The following PRIM2 variants were observed in gnomAD, a reference collection of about 807,000 sequenced individuals.
PRIM2 encodes DNA primase subunit 2.
A neutral mutation model predicts 67.3 loss-of-function variants in PRIM2; 39 were observed. That is an observed-to-expected ratio of 0.58 (90% CI 0.45 to 0.76). The LOEUF (loss-of-function observed/expected upper bound fraction) is 0.76, where lower values mean the gene tolerates loss of function less well. PRIM2 is among the 30% of genes least tolerant of loss of function. The pLI is 0.00. For missense variants in PRIM2, 398 were observed against 598.7 expected, an observed-to-expected ratio of 0.66 and a Z score of 3.50; for synonymous variants, 143 against 198.7, an observed-to-expected ratio of 0.72 and a Z score of 2.36.
chr6:57,244,669 G>C, the PRIM2 span, among the ~76,000 whole-genome samples: 1 of 151,846 alleles, frequency 6.6e-6, no homozygotes, highest in East Asian at 1.9e-4. Flanking sequence ...GCTGAGGCAG[G>C]AGAATCGCTT....
chr6:57,425,518 G>A (rs1771594608), intron 7 of PRIM2, among the ~76,000 whole-genome samples: 1 of 151,964 alleles, frequency 6.6e-6, no homozygotes, highest in African/African-American at 2.4e-5. Flanking sequence ...CCCTGCCAAT[G>A]GAATTATTTT....
chr6:57,331,431 A>G (rs180855115), intron 5 of PRIM2, among the ~76,000 whole-genome samples: 1 of 152,186 alleles, frequency 6.6e-6, no homozygotes, highest in East Asian at 1.9e-4. Context: ...TCATAGAATG[A>G]GTTGGGAAAT....
chr6:57,407,222 G>T (rs1411470635), intron 7 of PRIM2, among the ~76,000 whole-genome samples: 2 of 151,984 alleles, frequency 1.3e-5, no homozygotes, highest in Non-Finnish European at 2.9e-5. Flanking sequence ...GGATTTTGGC[G>T]GGGCAACTAT....
At chr6:57,512,023 A>G (rs1257518673) in intron 8 of PRIM2, among the ~76,000 whole-genome samples, 4 of 152,228 alleles carry the variant, frequency 2.6e-5, no homozygotes, top group African/African-American at 9.6e-5. Flanking sequence ...TCGAACCCAC[A>G]GAATATCAGT....
chr6:57,468,545 A>G (rs1285380308), intron 7 of PRIM2, among the ~76,000 whole-genome samples: 6 of 152,110 alleles, frequency 3.9e-5, no homozygotes, highest in Non-Finnish European at 5.9e-5. Context: ...ATTTTATTGA[A>G]AATTTTTGCA....
At chr6:57,438,786 T>G (rs548517944) in intron 7 of PRIM2, among the ~76,000 whole-genome samples, 3,587 of 152,030 alleles carry the variant, frequency 0.024, 89 homozygotes, top group African/African-American at 0.065. Flanking sequence ...TCTTTTTTTT[T>G]GGGGGAAACG....
In PRIM2 at chr6:57,336,252, C is replaced by T. The variant is rs536442292; in HGVS notation, c.459+10207C>T. On this transcript the variant is annotated intron_variant, in intron 5 of 13. Transcript: ENST00000615550. ...GTCTGATTGGTGTACCTGAAAGTGA[C>T]GGGGAGAATGGAACCAAGTTGGAAA... is the stretch of plus-strand genomic sequence containing the variant. 9.2e-5 allele frequency among the ~76,000 whole-genome samples: 14 copies of T among 152,154 alleles called. No individual in the cohort carries two copies. In the South Asian group the frequency reaches 1.2e-3, roughly 14 times the overall value.
intron 10 of PRIM2, chr6:57,587,040 A>G (rs1342871193): frequency 2.0e-5 from 3 of 152,174 alleles, no homozygotes; most frequent in Admixed American, 6.5e-5. Flanking sequence ...TGTGAAGATA[A>G]TTTTACCTGC....
At chr6:57,261,978 T>C in the PRIM2 span, among the ~76,000 whole-genome samples, 3 of 152,200 alleles carry the variant, frequency 2.0e-5, no homozygotes. Flanking sequence ...TAAAGTCCCT[T>C]CATTTGAACA....
Position 57,387,348 on chromosome 6 carries a change from T to G in PRIM2, c.693+5180T>G, listed in dbSNP as rs568076012. On this transcript the variant is annotated intron_variant, in intron 7 of 13. Coordinates refer to ENST00000615550, the MANE Select transcript of PRIM2 (RefSeq NM_000947.5). ...TTGCTTTTGTTCACAGTTTACTGTT[T>G]ATACATACTGTTAATCCCACTATAA... 7.1e-3 allele frequency among the ~76,000 whole-genome samples: 1,086 copies of G among 152,258 alleles called. 15 individuals are homozygous for G. Among genetic ancestry groups the G allele is most frequent in the African/African-American group, 0.024 (1,000 of 41,530 alleles).
chr6:57,517,754 C>G (rs1177665579), intron 8 of PRIM2, among the ~76,000 whole-genome samples: 1 of 152,068 alleles, frequency 6.6e-6, no homozygotes, highest in African/African-American at 2.4e-5. Context: ...TCATGAGGCT[C>G]CTAAGTCAGG....
chr6:57,624,568 G>A (rs1776913709), intron 12 of PRIM2, among the ~76,000 whole-genome samples: 1 of 152,230 alleles, frequency 6.6e-6, no homozygotes, highest in Non-Finnish European at 1.5e-5. Flanking sequence ...CTTCATATAA[G>A]AAGTGACATT....
intron 12 of PRIM2, among the ~76,000 whole-genome samples, chr6:57,616,915 A>G (rs1329489617): frequency 6.6e-6 from 1 of 152,234 alleles, no homozygotes; most frequent in Non-Finnish European, 1.5e-5. Context: ...TTCATATAGC[A>G]TGTTTACAAG....
At chr6:57,340,711 T>G (rs1333036121) in intron 5 of PRIM2, among the ~76,000 whole-genome samples, 40 of 149,516 alleles carry the variant, frequency 2.7e-4, no homozygotes, top group African/African-American at 6.2e-4. Context: ...TGTTGTGGGG[T>G]GGGGGTAGGG....
At chr6:57,224,362 A>C in the PRIM2 span, among the ~76,000 whole-genome samples, 2 of 152,212 alleles carry the variant, frequency 1.3e-5, no homozygotes, top group Non-Finnish European at 2.9e-5. Context: ...TGTATGATTC[A>C]ACTTATATAA....
At chr6:57,585,000 G>T (rs1290752146) in intron 10 of PRIM2, among the ~76,000 whole-genome samples, 12 of 152,154 alleles carry the variant, frequency 7.9e-5, no homozygotes, top group Non-Finnish European at 1.8e-4. Flanking sequence ...CTCTTACAGA[G>T]CAGAAAAAGG....
chr6:57,272,091 G>A, the PRIM2 span, among the ~76,000 whole-genome samples: 11 of 152,146 alleles, frequency 7.2e-5, no homozygotes, highest in Admixed American at 2.0e-4. Context: ...GTGCTGAAAG[G>A]AACGTATATT....
chr6:57,408,337 G>A (rs1251155060), intron 7 of PRIM2, among the ~76,000 whole-genome samples: 1 of 152,196 alleles, frequency 6.6e-6, no homozygotes, highest in Non-Finnish European at 1.5e-5. Flanking sequence ...GACCCCCAGT[G>A]TGGTGGAAAC....
intron 12 of PRIM2, among the ~76,000 whole-genome samples, chr6:57,629,600 A>T (rs1777008984): frequency 6.6e-6 from 1 of 152,116 alleles, no homozygotes; most frequent in South Asian, 2.1e-4. Flanking sequence ...AAATCTGACC[A>T]CTTACCATCG....
Sources: allele counts gnomAD v4.1 joint callset (sites outside exome capture counted in the v4.1 genomes callset), GRCh38; gene constraint gnomAD v4.1.1; transcripts MANE v1.5; gene names NCBI Gene and HGNC (gene_info 2026-07-23, HGNC 2026-07-21).